MICOS10: variants seen among roughly 807,000 people sequenced by gnomAD.
MICOS10 encodes the protein MICOS complex subunit MIC10.
In MICOS10, 5 loss-of-function variants were observed where a neutral mutation model predicts 13.4. That is an observed-to-expected ratio of 0.37 (90% CI 0.20 to 0.78). The LOEUF is 0.78. Among genes scored for constraint, MICOS10 ranks in the 30% least tolerant of loss-of-function variants. The probability of loss-of-function intolerance (pLI) is 0.47; values close to 1 mark genes in which losing one functional copy is unlikely to be tolerated. For missense variants in MICOS10, 101 were observed against 94.6 expected, an observed-to-expected ratio of 1.07 and a Z score of -0.28; for synonymous variants, 35 against 33.6, an observed-to-expected ratio of 1.04 and a Z score of -0.15.
At chr1:19,616,758 T>C (rs1305347037) in intron 1 of MICOS10, among the ~76,000 whole-genome samples, 2 of 152,180 alleles carry the variant, frequency 1.3e-5, no homozygotes, top group African/African-American at 2.4e-5. Flanking sequence ...TCAGACAGCC[T>C]GGGTTTGAAT....
intron 1 of MICOS10, among the ~76,000 whole-genome samples, chr1:19,600,534 T>C (rs1270385383): frequency 6.6e-6 from 1 of 152,210 alleles, no homozygotes; most frequent in South Asian, 2.1e-4. Flanking sequence ...GTAAGAGGTT[T>C]GGTGGAAGAC....
chr1:19,614,771 T>G (rs1413122109), intron 1 of MICOS10, among the ~76,000 whole-genome samples: 2 of 152,216 alleles, frequency 1.3e-5, no homozygotes, highest in Non-Finnish European at 2.9e-5. Context: ...GGAAGCCAAC[T>G]GCTGACTGAG....
At chr1:19,609,385 C>T (rs2094849784) in intron 1 of MICOS10, among the ~76,000 whole-genome samples, 1 of 152,176 alleles carries the variant, frequency 6.6e-6, no homozygotes, top group African/African-American at 2.4e-5. Context: ...GACTCTTATA[C>T]ACCGTTCATT....
chr1:19,613,597 C>G (rs943238245), intron 1 of MICOS10, among the ~76,000 whole-genome samples: 2 of 152,140 alleles, frequency 1.3e-5, no homozygotes, highest in African/African-American at 2.4e-5. Flanking sequence ...TCAGTTGGCT[C>G]CAACACTGGA....
rs61765155 is a variant in MICOS10 at position 19,608,036 on chromosome 1, G to A, written c.64+10927G>A. On this transcript the variant is annotated intron_variant, in intron 1 of 3. Coordinates refer to ENST00000322753, the MANE Select transcript of MICOS10 (RefSeq NM_001032363.4). ...AAAATGAGCCTCGCTTAAAAGGGTC[G>A]TAGACCTAAATATAAAAGCTAAAAC... The A allele has an allele frequency of 4.8e-3, 3,434 of 713,876 alleles. 17 individuals are homozygous for A. Among genetic ancestry groups the A allele is most frequent in the Non-Finnish European group, 7.0e-3 (2,754 of 390,720 alleles). 44.2% of individuals were successfully genotyped at this position (713,876 alleles called of 1,614,324 possible). A position where few individuals can be genotyped will look rare whatever the true frequency, so the allele number is the denominator to read the frequency against.
chr1:19,597,042 G>C lies in MICOS10; in HGVS notation c.-4G>C. 6.3e-7 allele frequency: 1 copy of C among 1,587,410 alleles called. No homozygotes were observed. Among genetic ancestry groups the C allele is most frequent in the Non-Finnish European group, 8.5e-7 (1 of 1,169,912 alleles). ...GAGGAAAGCTGGAGGCGCGGGTGGG[G>C]AACATGTCTGAGTCGGAGCTCGGCA... On this transcript the variant is annotated 5_prime_UTR_variant, in exon 1 of 4. Coordinates refer to ENST00000322753, the MANE Select transcript of MICOS10 (RefSeq NM_001032363.4).
chr1:19,601,930 C>T (rs905810395), intron 1 of MICOS10, among the ~76,000 whole-genome samples: 1 of 152,170 alleles, frequency 6.6e-6, no homozygotes, highest in Non-Finnish European at 1.5e-5. Flanking sequence ...CCTGCCACTG[C>T]CACTACATAC....
intron 1 of MICOS10, among the ~76,000 whole-genome samples, chr1:19,616,869 A>T (rs2094886287): frequency 2.0e-5 from 3 of 152,166 alleles, no homozygotes; most frequent in South Asian, 4.1e-4. Flanking sequence ...AGATGTTAGT[A>T]CCTCCAAAGC....
intron 3 of MICOS10, among the ~76,000 whole-genome samples, chr1:19,624,651 G>T (rs1163646580): frequency 6.6e-6 from 1 of 152,192 alleles, no homozygotes; most frequent in Non-Finnish European, 1.5e-5. Context: ...CCAAAGGGAA[G>T]AGGGCAGCAG....
At chr1:19,602,707 T>C (rs1052087276) in intron 1 of MICOS10, among the ~76,000 whole-genome samples, 1 of 152,266 alleles carries the variant, frequency 6.6e-6, no homozygotes, top group African/African-American at 2.4e-5. Flanking sequence ...TGGCTTTCTT[T>C]ATCCACTCAG....
intron 1 of MICOS10, among the ~76,000 whole-genome samples, chr1:19,599,103 T>A (rs1270527043): frequency 1.3e-5 from 2 of 152,140 alleles, no homozygotes; most frequent in Non-Finnish European, 2.9e-5. Flanking sequence ...TCACCCAGGC[T>A]GGAGTGTAGT....
rs568462855 is a variant in MICOS10 at position 19,610,025 on chromosome 1, C to T, written c.65-12075C>T. Among the ~76,000 whole-genome samples, 38 of 152,114 alleles carry T rather than the reference C, an allele frequency of 2.5e-4. 1 individual carries two copies. The South Asian group carries it at 3.5e-3, about 14-fold the overall frequency. On this transcript the variant is annotated intron_variant, in intron 1 of 3. Coordinates refer to ENST00000322753, the MANE Select transcript of MICOS10 (RefSeq NM_001032363.4). ...GGTGTGGTGGTGCTCACCTGTAATC[C>T]CAGCTACTCGGGAGGGTGAGGCAGG...
intron 1 of MICOS10, among the ~76,000 whole-genome samples, chr1:19,603,381 A>G (rs529283597): frequency 6.6e-6 from 1 of 152,332 alleles, no homozygotes; most frequent in Non-Finnish European, 1.5e-5. Context: ...TTGCCTCAGA[A>G]TTCTGTTACA....
At chr1:19,625,195 T>C (rs2094917665) in intron 3 of MICOS10, among the ~76,000 whole-genome samples, 1 of 152,232 alleles carries the variant, frequency 6.6e-6, no homozygotes, top group Non-Finnish European at 1.5e-5. Context: ...GTACGAAATA[T>C]ATAAAAACAT....
At position 19,613,605 on chromosome 1, in the gene MICOS10, G is replaced by A. The variant is rs541092777; in HGVS notation, c.65-8495G>A. On this transcript the variant is annotated intron_variant, in intron 1 of 3. Transcript: ENST00000322753. Reference sequence around the variant, plus strand: ...CTGATTATCAGTTGGCTCCAACACTGGAACAGTGAACATAGTGCGGGAACT... The same window carrying A: ...CTGATTATCAGTTGGCTCCAACACTAGAACAGTGAACATAGTGCGGGAACT... 2.6e-5 allele frequency among the ~76,000 whole-genome samples: 4 copies of A among 152,258 alleles called. No individual in the cohort carries two copies. In the South Asian group the frequency reaches 6.2e-4, roughly 24 times the overall value.
intron 1 of MICOS10, among the ~76,000 whole-genome samples, chr1:19,610,938 TTTTA>T (rs1365132086): frequency 6.6e-6 from 1 of 150,496 alleles, no homozygotes; most frequent in Non-Finnish European, 1.5e-5. Flanking sequence ...TGTAGGAATT[TTTTA>T]TTTATTTCTC....
At chr1:19,602,171 C>T (rs2094817681) in intron 1 of MICOS10, among the ~76,000 whole-genome samples, 1 of 152,196 alleles carries the variant, frequency 6.6e-6, no homozygotes, top group Admixed American at 6.6e-5. Flanking sequence ...TGTTGATCCC[C>T]TAACGCCTGG....
intron 1 of MICOS10, chr1:19,617,192 C>A: frequency 1.3e-6 from 1 of 777,492 alleles, no homozygotes; most frequent in Non-Finnish European, 1.6e-6. Flanking sequence ...CCAGTAATGA[C>A]TCCACATTTA....
At chr1:19,604,779 C>T (rs886172401) in intron 1 of MICOS10, among the ~76,000 whole-genome samples, 1 of 152,110 alleles carries the variant, frequency 6.6e-6, no homozygotes, top group Non-Finnish European at 1.5e-5. Context: ...GCCCTACCCT[C>T]GAGGGGCTTA....
Sources: allele counts gnomAD v4.1 joint callset (sites outside exome capture counted in the v4.1 genomes callset), GRCh38; gene constraint gnomAD v4.1.1; transcripts MANE v1.5; gene names NCBI Gene and HGNC (gene_info 2026-07-23, HGNC 2026-07-21).